CGGBP1: variants seen among roughly 807,000 people sequenced by gnomAD.
CGGBP1 encodes the protein CGG triplet repeat binding protein 1.
Under a neutral mutation model 11.4 loss-of-function variants are expected in CGGBP1, and 4 were observed. That is an observed-to-expected ratio of 0.35 (90% confidence interval 0.17 to 0.80). The LOEUF (loss-of-function observed/expected upper bound fraction) is 0.80, where lower values mean the gene tolerates loss of function less well. CGGBP1 is among the 30% of genes least tolerant of loss of function. The pLI is 0.52. For missense variants in CGGBP1, 135 were observed against 202.1 expected (o/e 0.67, Z 2.01); for synonymous variants, 76 against 74.1 (o/e 1.03, Z -0.13).
intron 1 of CGGBP1, chr3:88,142,160 G>C (rs1707164369): frequency 6.6e-6 from 1 of 152,310 alleles, no homozygotes; most frequent in Non-Finnish European, 1.5e-5. Context: ...CTGCTGTTTG[G>C]TTTGTGATTG....
chr3:88,118,364 A>G (rs1296452255), intron 2 of CGGBP1, among the ~76,000 whole-genome samples: 2 of 152,106 alleles, frequency 1.3e-5, no homozygotes, highest in East Asian at 3.9e-4. Flanking sequence ...GTAATATACC[A>G]TAGGAGAAGT....
At position 88,106,720 on chromosome 3, in the gene CGGBP1, A is replaced by G. The variant is rs1294719337; in HGVS notation, c.-229+34250T>C. ...TTTTTAAGCTGTGTAGATTTTTAAA[A>G]TGTAATTAAAATATGTTAATGTTCC... On this transcript the variant is annotated intron_variant, in intron 2 of 3. Coordinates refer to the CGGBP1 transcript ENST00000462901. 2.0e-5 allele frequency among the ~76,000 whole-genome samples: 3 copies of G among 151,690 alleles called. No homozygotes were observed. In the East Asian group the frequency reaches 5.8e-4, roughly 29 times the overall value.
intron 2 of CGGBP1, among the ~76,000 whole-genome samples, chr3:88,091,122 G>T (rs956009837): frequency 6.6e-6 from 1 of 152,150 alleles, no homozygotes; most frequent in Non-Finnish European, 1.5e-5. Flanking sequence ...CTTTGTGTAT[G>T]TACATTAAGT....
intron 2 of CGGBP1, among the ~76,000 whole-genome samples, chr3:88,105,002 T>C (rs1328349306): frequency 6.6e-6 from 1 of 152,072 alleles, no homozygotes; most frequent in Non-Finnish European, 1.5e-5. Flanking sequence ...TAGTCAGGTG[T>C]GGTGGCGCGC....
At position 88,052,032 on chromosome 3, in the gene CGGBP1, AATTT is replaced by A. The variant is rs1439981419; in HGVS notation, c.*3437_*3440del. On this transcript the variant is annotated 3_prime_UTR_variant, in exon 4 of 4. Coordinates refer to ENST00000482016, the MANE Select transcript of CGGBP1 (RefSeq NM_001008390.2). The stretch of plus-strand genomic sequence containing the variant: ...AAATCTTTTGAAACAATTTTTCTGA[AATTT>A]ATTTCTAAAAGTCAGAGACAAAACT... The A allele has an allele frequency of 1.3e-5, 2 of 152,630 alleles. No individual in the cohort carries two copies. Among genetic ancestry groups the A allele is most frequent in the South Asian group, 2.1e-4 (1 of 4,834 alleles). The allele number at this position is 152,630 out of a possible 1,614,324, so 9.5% of individuals were successfully genotyped here.
chr3:88,125,077 T>C (rs571444907), intron 2 of CGGBP1, among the ~76,000 whole-genome samples: 15 of 151,992 alleles, frequency 9.9e-5, no homozygotes, highest in African/African-American at 3.4e-4. Flanking sequence ...TAGCTGGGCA[T>C]GGTGACACGC....
chr3:88,112,735 T>G (rs1705166686), intron 2 of CGGBP1, among the ~76,000 whole-genome samples: 1 of 151,982 alleles, frequency 6.6e-6, no homozygotes, highest in South Asian at 2.1e-4. Flanking sequence ...AGATTTTGGA[T>G]TTTCTCTGGA....
At chr3:88,133,269 G>T (rs1328397900) in intron 2 of CGGBP1, among the ~76,000 whole-genome samples, 2 of 152,038 alleles carry the variant, frequency 1.3e-5, no homozygotes, top group Non-Finnish European at 2.9e-5. Context: ...TCATTGAATT[G>T]GGTGTGCCAC....
intron 2 of CGGBP1, chr3:88,135,108 C>A: frequency 6.8e-7 from 1 of 1,478,336 alleles, no homozygotes. Flanking sequence ...TCTAATCCTT[C>A]AAAACAAGTT....
chr3:88,081,650 T>C lies in CGGBP1; in HGVS notation c.-228-23427A>G, dbSNP rs556053516. On this transcript the variant is annotated intron_variant, in intron 2 of 3. Coordinates refer to the CGGBP1 transcript ENST00000462901. ...TTCAAGTTGTGCCAGCTTTAGCCTT[T>C]AGGAGCTCCTTCAGGTTGGCTTCCA... Among the ~76,000 whole-genome samples the C allele has an allele frequency of 1.1e-4, 16 of 152,360 alleles. 1 individual carries two copies. The highest frequency in any genetic ancestry group is 2.4e-5 in the African/African-American group (1 of 41,582).
At chr3:88,128,150 A>G (rs1238260764) in intron 2 of CGGBP1, among the ~76,000 whole-genome samples, 1 of 152,112 alleles carries the variant, frequency 6.6e-6, no homozygotes, top group Non-Finnish European at 1.5e-5. Flanking sequence ...AATACCCATC[A>G]TAAGGTTGTT....
intron 2 of CGGBP1, among the ~76,000 whole-genome samples, chr3:88,072,971 T>C (rs1267614649): frequency 1.8e-5 from 1 of 55,696 alleles, no homozygotes; most frequent in South Asian, 1.3e-3. Flanking sequence ...CTTAAAAAAA[T>C]TGTTAGTTTT....
At chr3:88,062,009 A>G (rs76889401), upstream of CGGBP1, among the ~76,000 whole-genome samples, 1,194 of 152,308 alleles carry the variant, frequency 7.8e-3, 22 homozygotes, top group African/African-American at 0.027. Context: ...GAGAGGAAGG[A>G]ACACTTCTTT....
chr3:88,101,388 G>A (rs2107717987), intron 2 of CGGBP1, among the ~76,000 whole-genome samples: 1 of 152,052 alleles, frequency 6.6e-6, no homozygotes, highest in South Asian at 2.1e-4. Flanking sequence ...GTAGTATTTT[G>A]GATACTTTCA....
At chr3:88,103,538 G>A (rs1490921656) in intron 2 of CGGBP1, among the ~76,000 whole-genome samples, 1 of 151,872 alleles carries the variant, frequency 6.6e-6, no homozygotes, top group African/African-American at 2.4e-5. Flanking sequence ...GATAAAATGA[G>A]GCAGAATAAA....
intron 2 of CGGBP1, among the ~76,000 whole-genome samples, chr3:88,073,098 AT>A (rs1253495450): frequency 6.6e-6 from 1 of 152,174 alleles, no homozygotes; most frequent in Admixed American, 6.5e-5. Context: ...TAGTTAATTG[AT>A]TAGAAATATG....
chr3:88,052,050 A>T lies in CGGBP1; in HGVS notation c.*3423T>A, dbSNP rs1418846682. ...TTTCTGAAATTTATTTCTAAAAGTCAGAGACAAAACTTTAGAAGTGACACA... is the reference window on the plus strand; with the variant it reads ...TTTCTGAAATTTATTTCTAAAAGTCTGAGACAAAACTTTAGAAGTGACACA... On this transcript the variant is annotated 3_prime_UTR_variant, in exon 4 of 4. Transcript: ENST00000482016. 1 of 152,670 alleles carries T rather than the reference A, an allele frequency of 6.6e-6. No individual in the cohort carries two copies. Among genetic ancestry groups the T allele is most frequent in the Admixed American group, 6.5e-5 (1 of 15,282 alleles). 9.5% of individuals were successfully genotyped at this position (152,670 alleles called of 1,614,324 possible). A position where few individuals can be genotyped will look rare whatever the true frequency, so the allele number is the denominator to read the frequency against.
chr3:88,089,280 A>G (rs1475673466), intron 2 of CGGBP1, among the ~76,000 whole-genome samples: 2 of 151,170 alleles, frequency 1.3e-5, no homozygotes, highest in Non-Finnish European at 3.0e-5. Context: ...TCACAAGGTC[A>G]AGAGATCGAG....
chr3:88,054,405 G>C lies in CGGBP1; in HGVS notation c.*1068C>G, dbSNP rs572153179. The stretch of plus-strand genomic sequence containing the variant: ...CCCAAAGTTATGCAGGATACTGCCA[G>C]ATCTCCAATACAAAAAACCTGCCAG... On this transcript the variant is annotated 3_prime_UTR_variant, in exon 4 of 4. Coordinates refer to ENST00000482016, the MANE Select transcript of CGGBP1 (RefSeq NM_001008390.2). 6.6e-6 allele frequency: 1 copy of C among 152,114 alleles called. No individual in the cohort carries two copies. The highest frequency in any genetic ancestry group is 1.5e-5 in the Non-Finnish European group (1 of 68,022). 9.4% of individuals were successfully genotyped at this position (152,114 alleles called of 1,614,324 possible). A position where few individuals can be genotyped will look rare whatever the true frequency, so the allele number is the denominator to read the frequency against.
Sources: allele counts gnomAD v4.1 joint callset (sites outside exome capture counted in the v4.1 genomes callset), GRCh38; gene constraint gnomAD v4.1.1; transcripts MANE v1.5; gene names NCBI Gene and HGNC (gene_info 2026-07-23, HGNC 2026-07-21).